Variants in CAPRIN1 observed in about 807,000 individuals in gnomAD.
The protein encoded by CAPRIN1 is caprin-1.
CAPRIN1 carries 29 observed loss-of-function variants against 100.9 expected under a neutral mutation model. The ratio of observed to expected loss-of-function variants is 0.29; its 90% CI spans 0.21 to 0.39. CAPRIN1 has a LOEUF of 0.39. Ranked by LOEUF, CAPRIN1 falls within the 10% of genes least tolerant of loss-of-function variation. The pLI is 1.00. For missense variants in CAPRIN1, 795 were observed against 876.7 expected (o/e 0.91, Z 1.18); for synonymous variants, 338 against 307.5 (o/e 1.10, Z -1.04).
At chr11:34,091,581 C>A in intron 14 of CAPRIN1, 1 of 171,614 alleles carries the variant, frequency 5.8e-6, no homozygotes, top group Non-Finnish European at 1.2e-5. Context: ...GCCACTGTGC[C>A]AGGCCAGAGT....
intron 2 of CAPRIN1, among the ~76,000 whole-genome samples, chr11:34,056,806 A>G (rs143749955): frequency 1.1e-3 from 165 of 152,362 alleles, no homozygotes; most frequent in African/African-American, 3.8e-3. Flanking sequence ...GACTCTAGTG[A>G]CTTTGGTAGG....
chr11:34,098,276 A>G (rs1282172692), intron 18 of CAPRIN1: 24 of 984,480 alleles, frequency 2.4e-5, no homozygotes, highest in Admixed American at 6.1e-5. Flanking sequence ...TTGGACCTCT[A>G]TTAGTGATAT....
chr11:34,078,539 G>A (rs576698261), intron 6 of CAPRIN1, among the ~76,000 whole-genome samples: 24 of 152,052 alleles, frequency 1.6e-4, no homozygotes, highest in African/African-American at 5.3e-4. Flanking sequence ...CTTGTCTGAC[G>A]CAGTTGCTTA....
At chr11:34,065,733 G>A (rs552113549) in intron 2 of CAPRIN1, among the ~76,000 whole-genome samples, 84 of 152,284 alleles carry the variant, frequency 5.5e-4, no homozygotes, top group Non-Finnish European at 7.1e-4. Flanking sequence ...GGAAAAACTA[G>A]TGCCTTTTAA....
intron 18 of CAPRIN1, chr11:34,098,214 CATTT>C: frequency 1.0e-6 from 1 of 993,402 alleles, no homozygotes. Context: ...CCATAGTTAA[CATTT>C]AGAGAACCAT....
chr11:34,076,772 T>A (rs754357403), intron 6 of CAPRIN1, 130 bp downstream of exon 6: 1 of 666,886 alleles, frequency 1.5e-6, no homozygotes, highest in Non-Finnish European at 2.5e-6. Context: ...TCTACTCTGT[T>A]GCCCAGGTTG....
chr11:34,076,736 G>GTTTTT, intron 6 of CAPRIN1, 94 bp downstream of exon 6: 20 of 667,912 alleles, frequency 3.0e-5, no homozygotes, highest in Non-Finnish European at 4.0e-5. Context: ...AAAAAAATTA[G>GTTTTT]TTTTTTTTTT....
At chr11:34,090,061 C>T in intron 12 of CAPRIN1, 118 bp from the exon 13 acceptor site, 1 of 532,136 alleles carries the variant, frequency 1.9e-6, no homozygotes, top group Non-Finnish European at 3.3e-6. Flanking sequence ...ATATTAATTT[C>T]TCCCTTCTTT....
At chr11:34,064,461 AT>A (rs1850645681) in intron 2 of CAPRIN1, among the ~76,000 whole-genome samples, 1 of 152,224 alleles carries the variant, frequency 6.6e-6, no homozygotes, top group South Asian at 2.1e-4. Flanking sequence ...GCTTTCAAAG[AT>A]TAGGCAAATT....
At chr11:34,067,062 T>G (rs181920315) in intron 2 of CAPRIN1, among the ~76,000 whole-genome samples, 2 of 152,132 alleles carry the variant, frequency 1.3e-5, no homozygotes, top group African/African-American at 4.8e-5. Context: ...CCTGAGTAGC[T>G]GGGATTACAG....
intron 9 of CAPRIN1, among the ~76,000 whole-genome samples, chr11:34,084,576 C>T (rs147250891): frequency 6.6e-6 from 1 of 152,208 alleles, no homozygotes; most frequent in East Asian, 1.9e-4. Flanking sequence ...CATGTATCTG[C>T]GGGACCCACA....
intron 2 of CAPRIN1, among the ~76,000 whole-genome samples, chr11:34,070,684 C>T (rs1029223844): frequency 6.6e-6 from 1 of 152,034 alleles, no homozygotes; most frequent in African/African-American, 2.4e-5. Flanking sequence ...GCAGGAGCCA[C>T]CGTGCCTGGC....
At chr11:34,096,276 A>C in intron 15 of CAPRIN1, 1 of 447,514 alleles carries the variant, frequency 2.2e-6, no homozygotes, top group Non-Finnish European at 3.9e-6. Context: ...TGGTTGGAGA[A>C]TTTTACCCCC....
In CAPRIN1 at chr11:34,054,818, A is replaced by G. The variant is rs553593357; in HGVS notation, c.216+2182A>G. ...GAATTTCTTGGAAATGTTTTTTTCT[A>G]GGACAGTAATTGAACATAAAATATT... On this transcript the variant is annotated intron_variant, in intron 2 of 18. Transcript: ENST00000341394. 1.2e-4 allele frequency among the ~76,000 whole-genome samples: 18 copies of G among 152,320 alleles called. No homozygotes were observed. In the South Asian group the frequency reaches 2.1e-3, roughly 18 times the overall value.
At chr11:34,070,139 TAG>T (rs1850780996) in intron 2 of CAPRIN1, among the ~76,000 whole-genome samples, 1 of 152,158 alleles carries the variant, frequency 6.6e-6, no homozygotes, top group Non-Finnish European at 1.5e-5. Flanking sequence ...ACAATAATAA[TAG>T]TTTGTGACTC....
rs143674897 is a variant in CAPRIN1 at position 34,073,327 on chromosome 11, C to T, written c.366+1340C>T. ...CAGATCCAATAGGATAGAAAGGGGG[C>T]TGATGGGCAGAGGCCATCACAGTGC... On this transcript the variant is annotated intron_variant, in intron 4 of 18. Coordinates refer to ENST00000341394, the MANE Select transcript of CAPRIN1 (RefSeq NM_005898.5). Among the ~76,000 whole-genome samples the T allele has an allele frequency of 1.2e-4, 19 of 152,276 alleles. No homozygotes were observed. In the East Asian group the frequency reaches 3.5e-3, roughly 28 times the overall value.
At chr11:34,069,023 T>G (rs1850756465) in intron 2 of CAPRIN1, among the ~76,000 whole-genome samples, 1 of 152,162 alleles carries the variant, frequency 6.6e-6, no homozygotes. Flanking sequence ...TAATGAACTG[T>G]GTACTAGCAC....
intron 2 of CAPRIN1, among the ~76,000 whole-genome samples, chr11:34,063,980 C>T (rs1411982538): frequency 6.6e-6 from 1 of 151,990 alleles, no homozygotes; most frequent in African/African-American, 2.4e-5. Flanking sequence ...GTTGGTCAGG[C>T]TGGTCTTGAA....
chr11:34,097,819 A>G, intron 18 of CAPRIN1, 58 bp downstream of exon 18: 2 of 1,613,406 alleles, frequency 1.2e-6, no homozygotes, highest in Non-Finnish European at 1.7e-6. Flanking sequence ...CTGGCCTTGG[A>G]AGAGCTGTTA....
Sources: gnomAD v4.1 joint callset for allele counts (sites outside exome capture counted in the v4.1 genomes callset) on GRCh38, gnomAD v4.1.1 for gene constraint, MANE v1.5 for transcripts, NCBI Gene and HGNC (gene_info 2026-07-23, HGNC 2026-07-21) for gene names.